The following PDGFC variants were observed in gnomAD, a reference collection of about 807,000 sequenced individuals.
PDGFC encodes platelet derived growth factor C, also known as platelet-derived growth factor C.
Under a neutral mutation model 35.5 loss-of-function variants are expected in PDGFC, and 12 were observed. That is an observed-to-expected ratio of 0.34 (90% CI 0.22 to 0.55). The LOEUF is 0.55. PDGFC is among the 20% of genes least tolerant of loss of function. The pLI, the probability that PDGFC is intolerant of heterozygous loss-of-function variation, is 0.91. For synonymous variants in PDGFC, 159 were observed against 148.8 expected, an observed-to-expected ratio of 1.07 and a Z score of -0.50; for missense variants, 322 against 412.4, an observed-to-expected ratio of 0.78 and a Z score of 1.90.
intron 2 of PDGFC, among the ~76,000 whole-genome samples, chr4:156,845,764 T>C (rs1434363136): frequency 6.6e-6 from 1 of 151,860 alleles, no homozygotes; most frequent in Non-Finnish European, 1.5e-5. Flanking sequence ...TTGACCACTT[T>C]ATTAGTAAGT....
At chr4:156,945,130 A>G (rs902852411) in intron 1 of PDGFC, among the ~76,000 whole-genome samples, 1 of 151,608 alleles carries the variant, frequency 6.6e-6, no homozygotes, top group South Asian at 2.1e-4. Flanking sequence ...TTTATATGTT[A>G]TTTGTCCTTT....
At chr4:156,842,379 A>T (rs1387383916) in intron 2 of PDGFC, 1 of 152,068 alleles carries the variant, frequency 6.6e-6, no homozygotes, top group Non-Finnish European at 1.5e-5. Flanking sequence ...GCAGAAAAAA[A>T]AAAATTAGCC....
chr4:156,925,281 T>C (rs77653314), intron 1 of PDGFC, among the ~76,000 whole-genome samples: 192 of 152,290 alleles, frequency 1.3e-3, no homozygotes, highest in African/African-American at 4.5e-3. Flanking sequence ...CAGGCTCTTA[T>C]GTGCATTTTT....
intron 1 of PDGFC, among the ~76,000 whole-genome samples, chr4:156,923,007 G>A (rs754871921): frequency 8.5e-5 from 13 of 152,094 alleles, no homozygotes; most frequent in Admixed American, 4.6e-4. Flanking sequence ...GCTTGCCCAC[G>A]TTATATAGTC....
At chr4:156,776,126 G>GA (rs1000066297) in intron 3 of PDGFC, among the ~76,000 whole-genome samples, 6 of 150,760 alleles carry the variant, frequency 4.0e-5, no homozygotes, top group African/African-American at 1.2e-4. Flanking sequence ...AGAAGTTACA[G>GA]AAAAAAAAAT....
At chr4:156,851,709 C>T (rs760084619) in intron 1 of PDGFC, among the ~76,000 whole-genome samples, 4 of 151,840 alleles carry the variant, frequency 2.6e-5, no homozygotes, top group East Asian at 3.9e-4. Flanking sequence ...TTTGGGAGGC[C>T]GAGGCGGGTG....
intron 1 of PDGFC, among the ~76,000 whole-genome samples, chr4:156,948,864 A>T (rs1316713073): frequency 6.6e-6 from 1 of 151,908 alleles, no homozygotes; most frequent in Non-Finnish European, 1.5e-5. Context: ...TTCTCTGTGG[A>T]GGCAGCATTT....
At position 156,825,572 on chromosome 4, in the gene PDGFC, TAATAATAATAATAATAATAATAAG is replaced by T. The variant is rs1326269828; in HGVS notation, c.315-14579_315-14556del. Among the ~76,000 whole-genome samples the T allele has an allele frequency of 9.5e-5, 9 of 94,684 alleles. No individual in the cohort carries two copies. In the East Asian group the frequency reaches 1.4e-3, roughly 15 times the overall value. The allele number at this position is 94,684 out of a possible 152,430, so 62.1% of individuals were successfully genotyped here. A position where few individuals can be genotyped will look rare whatever the true frequency, so the allele number is the denominator to read the frequency against. ...CTCCAAATAATAATAATAATAATAA[TAATAATAATAATAATAATAATAAG>T]AAGAAGAAGAAGAAGAAGAAGAAGA... On this transcript the variant is annotated intron_variant, in intron 2 of 5. Coordinates refer to ENST00000502773, the MANE Select transcript of PDGFC (RefSeq NM_016205.3).
intron 1 of PDGFC, among the ~76,000 whole-genome samples, chr4:156,922,141 T>C (rs1397159674): frequency 6.7e-6 from 1 of 149,250 alleles, no homozygotes; most frequent in Non-Finnish European, 1.5e-5. Context: ...TGTGCCTATC[T>C]CACAAGGATT....
At chr4:156,805,499 T>A (rs1255779572) in intron 3 of PDGFC, among the ~76,000 whole-genome samples, 2 of 152,110 alleles carry the variant, frequency 1.3e-5, no homozygotes, top group Non-Finnish European at 2.9e-5. Context: ...TTTAACATTT[T>A]AAAAAATCTT....
At chr4:156,872,431 A>G (rs1452774567) in intron 1 of PDGFC, among the ~76,000 whole-genome samples, 1 of 152,192 alleles carries the variant, frequency 6.6e-6, no homozygotes, top group Non-Finnish European at 1.5e-5. Context: ...TCCAATTGGA[A>G]CACACCATTG....
intron 3 of PDGFC, among the ~76,000 whole-genome samples, chr4:156,791,664 A>T (rs1731303184): frequency 6.6e-6 from 1 of 152,224 alleles, no homozygotes; most frequent in Admixed American, 6.5e-5. Flanking sequence ...TTACATATTT[A>T]AATTTTAAAA....
At chr4:156,920,685 A>C (rs1731254746) in intron 1 of PDGFC, among the ~76,000 whole-genome samples, 3 of 147,140 alleles carry the variant, frequency 2.0e-5, no homozygotes, top group African/African-American at 8.1e-5. Context: ...ACACACACAC[A>C]CACACATATA....
intron 3 of PDGFC, among the ~76,000 whole-genome samples, chr4:156,789,964 G>A (rs1445657871): frequency 1.6e-5 from 2 of 123,424 alleles, no homozygotes; most frequent in East Asian, 2.5e-4. Context: ...ATGACAGAGT[G>A]AGTCTCCATC....
At chr4:156,911,156 A>G (rs1269234258) in intron 1 of PDGFC, among the ~76,000 whole-genome samples, 1 of 152,134 alleles carries the variant, frequency 6.6e-6, no homozygotes, top group Non-Finnish European at 1.5e-5. Context: ...AGAAGGTTTC[A>G]TGAGGAAAAT....
intron 1 of PDGFC, among the ~76,000 whole-genome samples, chr4:156,938,074 T>C (rs2110898248): frequency 1.3e-5 from 2 of 152,292 alleles, no homozygotes; most frequent in South Asian, 2.1e-4. Context: ...ACAGTACTTT[T>C]ACATACAGAT....
chr4:156,880,436 C>T (rs962726128), intron 1 of PDGFC, among the ~76,000 whole-genome samples: 1 of 151,986 alleles, frequency 6.6e-6, no homozygotes, highest in Non-Finnish European at 1.5e-5. Context: ...ACCCACTACT[C>T]AGAAAGAAAA....
intron 1 of PDGFC, among the ~76,000 whole-genome samples, chr4:156,901,217 T>C (rs1730774522): frequency 6.6e-6 from 1 of 152,184 alleles, no homozygotes; most frequent in Non-Finnish European, 1.5e-5. Flanking sequence ...CCACATCTTT[T>C]AAATTGACCA....
chr4:156,890,054 T>A (rs1730467024), intron 1 of PDGFC, among the ~76,000 whole-genome samples: 1 of 151,798 alleles, frequency 6.6e-6, no homozygotes, highest in South Asian at 2.1e-4. Flanking sequence ...TCCAGGTTAA[T>A]ATGTATTAAA....
Sources: allele counts gnomAD v4.1 joint callset (sites outside exome capture counted in the v4.1 genomes callset), GRCh38; gene constraint gnomAD v4.1.1; transcripts MANE v1.5; gene names NCBI Gene and HGNC (gene_info 2026-07-23, HGNC 2026-07-21).